Variants in PIK3AP1 observed in about 807,000 individuals in gnomAD.
The protein encoded by PIK3AP1 is phosphoinositide 3-kinase adapter protein 1.
Under a neutral mutation model 88.1 loss-of-function variants are expected in PIK3AP1, and 21 were observed. That is an observed-to-expected ratio of 0.24 (90% CI 0.17 to 0.34). The LOEUF is 0.34. Ranked by LOEUF, PIK3AP1 falls within the 10% of genes least tolerant of loss-of-function variation. The pLI, the probability that PIK3AP1 is intolerant of heterozygous loss-of-function variation, is 1.00. For missense variants in PIK3AP1, 828 were observed against 1,035.7 expected (o/e 0.80, Z 2.75); for synonymous variants, 398 against 400.0 (o/e 1.00, Z 0.06).
intron 3 of PIK3AP1, among the ~76,000 whole-genome samples, chr10:96,654,065 C>T (rs76983589): frequency 0.08 from 12,215 of 152,170 alleles, 829 homozygotes; most frequent in African/African-American, 0.18. Context: ...AGGTGACACC[C>T]GTGCACTTTG....
At chr10:96,623,640 T>A in intron 10 of PIK3AP1, 103 bp from the exon 11 acceptor site, 1 of 999,508 alleles carries the variant, frequency 1.0e-6, no homozygotes, top group Non-Finnish European at 1.5e-6. Flanking sequence ...TGTGGTTCTG[T>A]AAATCAAAAT....
chr10:96,638,877 A>T (rs1225684234), intron 8 of PIK3AP1, among the ~76,000 whole-genome samples: 1 of 152,226 alleles, frequency 6.6e-6, no homozygotes, highest in Non-Finnish European at 1.5e-5. Flanking sequence ...GGCAAGTTTC[A>T]TGCCAGCTTG....
rs112656176 is a variant in PIK3AP1 at position 96,669,851 on chromosome 10, T to C, written c.431-12917A>G. 5.3e-3 allele frequency among the ~76,000 whole-genome samples: 806 copies of C among 151,842 alleles called. 6 individuals are homozygous for C. Among genetic ancestry groups the C allele is most frequent in the African/African-American group, 0.019 (775 of 41,426 alleles). ...CCAACTTGTACGATGAGACTATAAA[T>C]AGAACTAAATTAAGTTAATGTTTCT... On this transcript the variant is annotated intron_variant, in intron 2 of 16. Coordinates refer to ENST00000339364, the MANE Select transcript of PIK3AP1 (RefSeq NM_152309.3).
intron 8 of PIK3AP1, among the ~76,000 whole-genome samples, chr10:96,631,150 T>A (rs1177230435): frequency 6.6e-6 from 1 of 152,188 alleles, no homozygotes; most frequent in Non-Finnish European, 1.5e-5. Flanking sequence ...AGCTTTATAC[T>A]GCCCAGTGCT....
chr10:96,669,988 A>C (rs1326831374), intron 2 of PIK3AP1, among the ~76,000 whole-genome samples: 1 of 152,052 alleles, frequency 6.6e-6, no homozygotes, highest in Non-Finnish European at 1.5e-5. Flanking sequence ...CAGCCTGGCC[A>C]ATATGGTAAA....
intron 2 of PIK3AP1, among the ~76,000 whole-genome samples, chr10:96,671,294 T>A (rs1843842806): frequency 6.6e-6 from 1 of 152,146 alleles, no homozygotes; most frequent in Non-Finnish European, 1.5e-5. Flanking sequence ...AAACCTTAAG[T>A]TTCAATAACC....
intron 3 of PIK3AP1, among the ~76,000 whole-genome samples, chr10:96,653,591 GATTC>G (rs763488892): frequency 1.4e-4 from 20 of 139,836 alleles, no homozygotes; most frequent in Non-Finnish European, 2.6e-4. Flanking sequence ...AGGTTCAAGC[GATTC>G]TCATGCCTCA....
chr10:96,653,479 C>CTTT (rs748930022), intron 3 of PIK3AP1, among the ~76,000 whole-genome samples: 1,272 of 61,956 alleles, frequency 0.021, 44 homozygotes, highest in Non-Finnish European at 0.022. Flanking sequence ...ACTTTATACA[C>CTTT]TTTTTTTTTT....
At position 96,652,698 on chromosome 10, in the gene PIK3AP1, T is replaced by A. The variant is rs1271068150; in HGVS notation, c.712A>T (p.Asn238Tyr). 1 of 1,614,064 alleles carries A rather than the reference T, an allele frequency of 6.2e-7. No homozygotes were observed. Among genetic ancestry groups the A allele is most frequent in the South Asian group, 1.1e-5 (1 of 91,088 alleles). ...NEYTISVKAP[N>Y]LSSGNVSLKI... ...ATCACATTCACAGGGGACTACTTACTGGGAGCCTTCACTGAAATGGTGTAC... is the reference window on the plus strand; with the variant it reads ...ATCACATTCACAGGGGACTACTTACAGGGAGCCTTCACTGAAATGGTGTAC... Residue 238 changes from asparagine to tyrosine, a missense_variant and splice_region_variant, in exon 4 of 17, where the codon AAC becomes TAC. This residue lies in a region of PIK3AP1 where 610 missense variants were observed against 760.1 expected (regional missense o/e 0.80). Transcript: ENST00000339364.
intron 15 of PIK3AP1, 68 bp downstream of exon 15, chr10:96,603,911 G>A (rs1848953116): frequency 2.2e-6 from 3 of 1,381,690 alleles, no homozygotes; most frequent in Admixed American, 4.9e-5. Flanking sequence ...CCTTTCACCT[G>A]GGTTTCTATC....
chr10:96,624,932 G>A (rs1052814169), intron 10 of PIK3AP1, among the ~76,000 whole-genome samples: 2 of 152,164 alleles, frequency 1.3e-5, no homozygotes, highest in African/African-American at 2.4e-5. Flanking sequence ...TGCTATTTAG[G>A]AATTACCAGC....
chr10:96,681,234 G>C (rs1843995080), intron 2 of PIK3AP1, among the ~76,000 whole-genome samples: 1 of 152,092 alleles, frequency 6.6e-6, no homozygotes, highest in South Asian at 2.1e-4. Context: ...AGTCATATTG[G>C]ATAAGGGCCC....
At chr10:96,706,146 G>A (rs914086718) in intron 2 of PIK3AP1, among the ~76,000 whole-genome samples, 15 of 152,014 alleles carry the variant, frequency 9.9e-5, no homozygotes, top group Admixed American at 1.3e-4. Flanking sequence ...GCCCGCCTCG[G>A]CCTCCCAAAG....
chr10:96,684,720 T>C (rs779106316), intron 2 of PIK3AP1, among the ~76,000 whole-genome samples: 3 of 152,090 alleles, frequency 2.0e-5, no homozygotes, highest in Non-Finnish European at 2.9e-5. Flanking sequence ...TTCCAAATGG[T>C]TGGAAAAGAT....
chr10:96,627,682 C>T (rs992635032), intron 9 of PIK3AP1, among the ~76,000 whole-genome samples: 2 of 152,158 alleles, frequency 1.3e-5, no homozygotes, highest in African/African-American at 2.4e-5. Context: ...AATGATTGGA[C>T]AGGGTTAAAG....
chr10:96,640,193 C>G (rs1053069671), intron 8 of PIK3AP1, among the ~76,000 whole-genome samples: 1 of 152,158 alleles, frequency 6.6e-6, no homozygotes, highest in African/African-American at 2.4e-5. Flanking sequence ...GCAGAACAGT[C>G]CTCTGGGATT....
intron 2 of PIK3AP1, among the ~76,000 whole-genome samples, chr10:96,669,960 A>G (rs1207430081): frequency 1.3e-5 from 2 of 151,904 alleles, no homozygotes; most frequent in African/African-American, 4.8e-5. Flanking sequence ...GCGGATCCTA[A>G]GGTCAGGAGT....
intron 15 of PIK3AP1, among the ~76,000 whole-genome samples, chr10:96,603,437 C>T (rs1007482899): frequency 3.9e-5 from 6 of 152,060 alleles, no homozygotes; most frequent in South Asian, 4.1e-4. Flanking sequence ...CCTTAATCTG[C>T]GTGGGCACCA....
chr10:96,650,872 G>A (rs1843527882), intron 6 of PIK3AP1, among the ~76,000 whole-genome samples: 1 of 152,186 alleles, frequency 6.6e-6, no homozygotes, highest in Admixed American at 6.5e-5. Flanking sequence ...CACAGGTTAA[G>A]CAGTTTGGAT....
Sources: gnomAD v4.1 joint callset for allele counts (sites outside exome capture counted in the v4.1 genomes callset) on GRCh38, gnomAD v4.1.1 for gene constraint, gnomAD v4.1.1 regional missense constraint, MANE v1.5 for transcripts, NCBI Gene and HGNC (gene_info 2026-07-23, HGNC 2026-07-21) for gene names.